RDH8: variants seen among roughly 807,000 people sequenced by gnomAD.
RDH8 encodes the protein photoreceptor outer segment all-trans retinol dehydrogenase.
A neutral mutation model predicts 22.3 loss-of-function variants in RDH8; 14 were observed. That is an observed-to-expected ratio of 0.63 (90% CI 0.42 to 0.98). RDH8 has a LOEUF of 0.98. Among genes scored for constraint, RDH8 ranks in the 50% least tolerant of loss-of-function variants. The pLI is 0.00. For synonymous variants in RDH8, 175 were observed against 171.7 expected (o/e 1.02, Z -0.15); for missense variants, 389 against 409.8 (o/e 0.95, Z 0.44).
In RDH8 at chr19:10,013,552, C is replaced by T; in HGVS notation, c.55C>T (p.Leu19=). ...CTCCGGCTGCTCATCAGGAATTGGT[C>T]TGGAACTTGCAGTGCAACTGGCCCA... ...LISGCSSGIG[L]ELAVQLAHDP... The change falls in exon 1 of 6, where the codon CTG becomes TTG. Residue 19 remains leucine (L), a synonymous_variant. Coordinates refer to ENST00000591589, the MANE Select transcript of RDH8 (RefSeq NM_015725.4). The T allele has an allele frequency of 6.2e-7, 1 of 1,611,944 alleles. No homozygotes were observed. Among genetic ancestry groups the T allele is most frequent in the Non-Finnish European group, 8.5e-7 (1 of 1,179,296 alleles).
chr19:10,013,510 C>G lies in RDH8; in HGVS notation c.13C>G (p.Pro5Ala). ...GGAGGGGATCAACATGGCCGCTGCA[C>G]CCCGGACTGTGTTGATCTCCGGCTG... MAAA[P>A]RTVLISGCSS... Residue 5 changes from proline (P) to alanine (A), a missense_variant, in exon 1 of 6, where the codon CCC (proline) becomes GCC (alanine). Pro to Ala is a conservative substitution (Grantham distance 27). Coordinates refer to ENST00000591589, the MANE Select transcript of RDH8 (RefSeq NM_015725.4). The G allele has an allele frequency of 6.2e-7, 1 of 1,613,382 alleles. No homozygotes were observed. Among genetic ancestry groups the G allele is most frequent in the African/African-American group, 1.3e-5 (1 of 74,992 alleles).
chr19:10,016,615 C>T (rs1345129290), intron 1 of RDH8, among the ~76,000 whole-genome samples: 4 of 151,968 alleles, frequency 2.6e-5, no homozygotes, highest in Non-Finnish European at 5.9e-5. Flanking sequence ...TGGGGGCCAC[C>T]CACCACACCT....
rs764303069 is a variant in RDH8 at position 10,018,844 on chromosome 19, C to T, written c.376C>T (p.Leu126Phe). Residue 126 changes from leucine to phenylalanine, a missense_variant, in exon 3 of 6, where the codon CTT becomes TTT. Leu to Phe is a conservative substitution (Grantham distance 22, BLOSUM62 0). Transcript: ENST00000591589. ...FGAVRLVKAV[L>F]PGMKRRRQGH... Reference sequence around the variant, plus strand: ...AGCTGTCCGTCTCGTCAAAGCTGTGCTTCCAGGCATGAAGAGGAGGCGGCA... The same window carrying T: ...AGCTGTCCGTCTCGTCAAAGCTGTGTTTCCAGGCATGAAGAGGAGGCGGCA... 4 of 1,613,872 alleles carry T rather than the reference C, an allele frequency of 2.5e-6. No individual in the cohort carries two copies. Among genetic ancestry groups the T allele is most frequent in the South Asian group, 1.1e-5 (1 of 91,052 alleles).
intron 4 of RDH8, 157 bp downstream of exon 4, chr19:10,020,959 G>A (rs1194500450): frequency 1.5e-6 from 1 of 671,438 alleles, no homozygotes; most frequent in Non-Finnish European, 2.6e-6. Context: ...ATCGCTTGAG[G>A]TCAGGCATTT....
Position 10,021,652 on chromosome 19 carries a change from C to A in RDH8, c.839C>A (p.Thr280Lys), listed in dbSNP as rs764504717. ...TCCTCTGGCAGCCTGTATGTGCGAA[C>A]GACCCACCGCCTCCTCTTCCGCTGT... ...VDSSGSLYVR[T>K]THRLLFRCPR... The change falls in exon 6 of 6, where the codon ACG becomes AAG. Residue 280 changes from threonine to lysine, a missense_variant. Physicochemically the swap from Thr to Lys is moderately conservative, Grantham distance 78. Transcript: ENST00000591589. 5 of 1,614,142 alleles carry A rather than the reference C, an allele frequency of 3.1e-6. No individual in the cohort carries two copies. The Admixed American group carries it at 6.7e-5, about 22-fold the overall frequency.
Position 10,017,246 on chromosome 19 carries a change from C to A in RDH8, c.262+31C>A, listed in dbSNP as rs529261956. On this transcript the variant is annotated intron_variant, in intron 2 of 5. Transcript: ENST00000591589. Reference sequence around the variant, plus strand: ...ACTTCACAGCCCCTGATTCACTAAGCCCCATCCTGGTCTGAGTATAGACCC... The same window carrying A: ...ACTTCACAGCCCCTGATTCACTAAGACCCATCCTGGTCTGAGTATAGACCC... 6.5e-6 allele frequency: 10 copies of A among 1,547,054 alleles called. No individual in the cohort carries two copies. The South Asian group carries it at 1.2e-4, about 19-fold the overall frequency.
rs1404367395 is a variant in RDH8, at chr19:10,021,322, A to G, written c.604A>G (p.Met202Val). Residue 202 changes from methionine (M) to valine (V), a missense_variant, in exon 5 of 6, where the codon ATG (methionine) becomes GTG (valine). Met to Val is a conservative substitution (Grantham distance 21). Coordinates refer to ENST00000591589, the MANE Select transcript of RDH8 (RefSeq NM_015725.4). ...GGGGAAGCTTCTGGCGCAGGTTTCT[A>G]TGGCTGAGTTCCCAGGCACTGACCC... ...FEGKLLAQVS[M>V]AEFPGTDPET... The G allele has an allele frequency of 2.5e-6, 4 of 1,613,978 alleles. No homozygotes were observed. Among genetic ancestry groups the G allele is most frequent in the Non-Finnish European group, 2.5e-6 (3 of 1,179,972 alleles).
At chr19:10,020,908 A>C in intron 4 of RDH8, 106 bp downstream of exon 4, 5 of 837,888 alleles carry the variant, frequency 6.0e-6, no homozygotes, top group Non-Finnish European at 9.7e-6. Context: ...GCAGTGGCTC[A>C]CACCTGTAAG....
chr19:10,017,330 G>A, intron 2 of RDH8, 115 bp downstream of exon 2: 1 of 1,160,324 alleles, frequency 8.6e-7, no homozygotes, highest in Non-Finnish European at 1.1e-6. Flanking sequence ...TCTGAACCTG[G>A]GCAGAAGGGG....
At chr19:10,013,661 C>A in intron 1 of RDH8, 61 bp downstream of exon 1, 2 of 1,561,868 alleles carry the variant, frequency 1.3e-6, no homozygotes, top group Admixed American at 1.7e-5. Flanking sequence ...CCAGCACTGT[C>A]TCCCCTACCC....
intron 1 of RDH8, among the ~76,000 whole-genome samples, chr19:10,014,688 C>G (rs1599240540): frequency 1.3e-5 from 2 of 152,088 alleles, no homozygotes; most frequent in South Asian, 4.2e-4. Flanking sequence ...AAGGCATGCA[C>G]CACCACACCC....
At chr19:10,013,864 T>C (rs2087588736) in intron 1 of RDH8, among the ~76,000 whole-genome samples, 2 of 151,718 alleles carry the variant, frequency 1.3e-5, no homozygotes, top group Non-Finnish European at 2.9e-5. Flanking sequence ...GAATGGGTGA[T>C]AAACAGATAA....
In RDH8 at chr19:10,018,920, G is replaced by C; in HGVS notation, c.442+10G>C. On this transcript the variant is annotated intron_variant, in intron 3 of 5. Transcript: ENST00000591589. ...GTCATGGGCCTGCAGGGTGAGCTGT[G>C]GGGACCCAACCCTGGAAATCCCACC... 1 of 1,591,022 alleles carries C rather than the reference G, an allele frequency of 6.3e-7. No individual in the cohort carries two copies. Among genetic ancestry groups the C allele is most frequent in the East Asian group, 2.3e-5 (1 of 44,136 alleles).
chr19:10,021,372 C>T lies in RDH8; in HGVS notation c.654C>T (p.Asp218=), dbSNP rs1249540306. 1.9e-6 allele frequency: 3 copies of T among 1,614,062 alleles called. No homozygotes were observed. Among genetic ancestry groups the T allele is most frequent in the Non-Finnish European group, 2.5e-6 (3 of 1,180,028 alleles). Residue 218 remains aspartate (D), a synonymous_variant, in exon 5 of 6, where the codon GAC becomes GAT. Transcript: ENST00000591589. ...CTGAGACCCTGCACTACTTCCGGGA[C>T]CTCTATCTCCCAGCCTCCAGGAAGC... is the stretch of plus-strand genomic sequence containing the variant. ...TDPETLHYFR[D]LYLPASRKLF...
chr19:10,020,328 G>A (rs1285169147), intron 3 of RDH8, among the ~76,000 whole-genome samples: 1 of 118,914 alleles, frequency 8.4e-6, no homozygotes, highest in Admixed American at 8.5e-5. Flanking sequence ...GAGAGAGAGA[G>A]AGAAGGAAGG....
In RDH8 at chr19:10,018,767, A is replaced by T; in HGVS notation, c.299A>T (p.Glu100Val). ...GGAATGGGCCTGGTGGGGCCCCTGG[A>T]GGGGCTCAGCCTTGCTGCCATGCAG... ...NAGMGLVGPL[E>V]GLSLAAMQNV... Residue 100 changes from glutamate to valine, a missense_variant, in exon 3 of 6, where the codon GAG becomes GTG. Physicochemically the swap from Glu to Val is moderately radical, Grantham distance 121 (BLOSUM62 -2). Coordinates refer to ENST00000591589, the MANE Select transcript of RDH8 (RefSeq NM_015725.4). The T allele has an allele frequency of 6.2e-7, 1 of 1,612,704 alleles. No homozygotes were observed. The highest frequency in any genetic ancestry group is 8.5e-7 in the Non-Finnish European group (1 of 1,179,080).
Position 10,022,086 on chromosome 19 carries a change from C to A in RDH8, c.*337C>A. Reference sequence around the variant, plus strand: ...AAGAGACAGACTCTGCTACATTCAACCTCGTGACTTCATGATCCTGGGCCT... The same window carrying A: ...AAGAGACAGACTCTGCTACATTCAAACTCGTGACTTCATGATCCTGGGCCT... On this transcript the variant is annotated 3_prime_UTR_variant, in exon 6 of 6. Transcript: ENST00000591589. The A allele has an allele frequency of 3.4e-6, 1 of 292,962 alleles. No individual in the cohort carries two copies. The allele number at this position is 292,962 out of a possible 1,614,324, so 18.1% of individuals were successfully genotyped here.
chr19:10,018,631 T>G, intron 2 of RDH8, 100 bp from the exon 3 acceptor site: 2 of 938,396 alleles, frequency 2.1e-6, no homozygotes, highest in Non-Finnish European at 3.2e-6. Flanking sequence ...TGGACTGGCC[T>G]TGGACTTGGA....
chr19:10,014,590 A>G (rs2087595112), intron 1 of RDH8, among the ~76,000 whole-genome samples: 1 of 151,992 alleles, frequency 6.6e-6, no homozygotes, highest in Non-Finnish European at 1.5e-5. Context: ...ACCCAGGCTG[A>G]GTGCAGTGGT....
Sources: gnomAD v4.1 joint callset for allele counts (sites outside exome capture counted in the v4.1 genomes callset) on GRCh38, gnomAD v4.1.1 for gene constraint, MANE v1.5 for transcripts, NCBI Gene and HGNC (gene_info 2026-07-23, HGNC 2026-07-21) for gene names.